The following ANKS1B variants were observed in gnomAD, a reference collection of about 807,000 sequenced individuals.
ANKS1B encodes the protein ankyrin repeat and sterile alpha motif domain containing 1B.
In ANKS1B, 36 loss-of-function variants were observed where a neutral mutation model predicts 148.3. That is an observed-to-expected ratio of 0.24 (90% confidence interval 0.19 to 0.32). The LOEUF (loss-of-function observed/expected upper bound fraction) is 0.32, where lower values mean the gene tolerates loss of function less well. ANKS1B is among the 10% of genes least tolerant of loss of function. The pLI is 1.00. For missense variants in ANKS1B, 1,157 were observed against 1,542.6 expected (o/e 0.75, Z 4.19); for synonymous variants, 542 against 560.8 (o/e 0.97, Z 0.47).
intron 8 of ANKS1B, among the ~76,000 whole-genome samples, chr12:99,661,933 TAGCTGG>T (rs1280809729): frequency 1.3e-5 from 2 of 152,144 alleles, no homozygotes; most frequent in Admixed American, 6.5e-5. Context: ...GCTAATGAAA[TAGCTGG>T]AGCTGGAGCA....
intron 17 of ANKS1B, among the ~76,000 whole-genome samples, chr12:99,024,965 G>A (rs1391501432): frequency 2.0e-5 from 3 of 152,178 alleles, no homozygotes; most frequent in Admixed American, 6.5e-5. Flanking sequence ...CCTGTCCCAC[G>A]GAAGCTCCAA....
At chr12:99,968,080 G>A (rs1183798446) in intron 1 of ANKS1B, among the ~76,000 whole-genome samples, 1 of 152,124 alleles carries the variant, frequency 6.6e-6, no homozygotes, top group African/African-American at 2.4e-5. Flanking sequence ...AAGGAAGAAA[G>A]GCTAAGCAAA....
chr12:99,907,242 A>T (rs2093816798), intron 1 of ANKS1B, among the ~76,000 whole-genome samples: 1 of 152,112 alleles, frequency 6.6e-6, no homozygotes, highest in Non-Finnish European at 1.5e-5. Context: ...TCTGTGTTTA[A>T]TTTCCCCCAG....
In ANKS1B at chr12:99,404,400, C is replaced by T. The variant is rs1299373336; in HGVS notation, c.1576-4589G>A. ...GGAAACTCAACAAAATTCAAGATAA[C>T]GCAGATGAGGTATTCAGAATCCTAT... On this transcript the variant is annotated intron_variant, in intron 11 of 26. Coordinates refer to ENST00000683438, the MANE Select transcript of ANKS1B (RefSeq NM_001352186.2). Among the ~76,000 whole-genome samples the T allele has an allele frequency of 4.1e-5, 6 of 145,672 alleles. 1 individual carries two copies. The highest frequency in any genetic ancestry group is 1.0e-4 in the African/African-American group (4 of 38,400).
At chr12:99,698,514 A>G (rs1320595082) in intron 8 of ANKS1B, among the ~76,000 whole-genome samples, 1 of 152,116 alleles carries the variant, frequency 6.6e-6, no homozygotes, top group African/African-American at 2.4e-5. Flanking sequence ...AAATACAAAT[A>G]TGGATTGAGG....
intron 14 of ANKS1B, among the ~76,000 whole-genome samples, chr12:99,239,280 T>A (rs2088728646): frequency 1.3e-5 from 2 of 152,228 alleles, no homozygotes; most frequent in East Asian, 1.9e-4. Context: ...TGCACAAGCA[T>A]CAATAGCTGA....
At chr12:99,430,957 G>A (rs991889969) in intron 11 of ANKS1B, among the ~76,000 whole-genome samples, 15 of 152,144 alleles carry the variant, frequency 9.9e-5, no homozygotes, top group Non-Finnish European at 2.1e-4. Flanking sequence ...CTGAATCTGG[G>A]AGAGAAAGCA....
intron 17 of ANKS1B, among the ~76,000 whole-genome samples, chr12:98,927,213 T>C (rs2099809392): frequency 6.6e-6 from 1 of 152,060 alleles, no homozygotes; most frequent in South Asian, 2.1e-4. Context: ...GAAAAAGGAA[T>C]GACCTATTCA....
At chr12:98,735,676 T>C in intron 9 of ANKS1B, 1 of 740,376 alleles carries the variant, frequency 1.4e-6, no homozygotes, top group Non-Finnish European at 2.6e-6. Context: ...CTTAGTTTGT[T>C]CATGCATTTG....
At chr12:99,686,658 G>A (rs10860490) in intron 8 of ANKS1B, among the ~76,000 whole-genome samples, 1 of 151,796 alleles carries the variant, frequency 6.6e-6, no homozygotes, top group East Asian at 1.9e-4. Context: ...GACATGTAAG[G>A]GTTCATTTAC....
intron 26 of ANKS1B, among the ~76,000 whole-genome samples, chr12:98,747,789 T>A (rs903140807): frequency 1.3e-5 from 2 of 152,172 alleles, no homozygotes; most frequent in East Asian, 1.9e-4. Flanking sequence ...AAGAATGAGA[T>A]CCTGTCATTT....
intron 17 of ANKS1B, among the ~76,000 whole-genome samples, chr12:98,925,048 A>T (rs2099806275): frequency 6.6e-6 from 1 of 152,200 alleles, no homozygotes; most frequent in Admixed American, 6.5e-5. Context: ...CACACAAAAT[A>T]TGGTTCTATT....
At chr12:99,505,236 G>A (rs1054133192) in intron 9 of ANKS1B, among the ~76,000 whole-genome samples, 1 of 152,006 alleles carries the variant, frequency 6.6e-6, no homozygotes, top group African/African-American at 2.4e-5. Context: ...GGCAACAGAA[G>A]GATAAAAAGA....
chr12:99,795,464 A>G (rs1157041400), intron 4 of ANKS1B, among the ~76,000 whole-genome samples: 1 of 152,030 alleles, frequency 6.6e-6, no homozygotes, highest in Non-Finnish European at 1.5e-5. Context: ...TTTCAGACAG[A>G]CTAAAAATGA....
Position 99,605,735 on chromosome 12 carries a change from T to C in ANKS1B, c.1272+49332A>G, listed in dbSNP as rs1040337930. 1.7e-4 allele frequency among the ~76,000 whole-genome samples: 26 copies of C among 152,118 alleles called. 1 individual carries two copies. Among genetic ancestry groups the C allele is most frequent in the Admixed American group, 4.6e-4 (7 of 15,256 alleles). ...AATATTTTCTAAATCCATTCATCCA[T>C]TGATTGACATTTCAGTTGATTCAAT... On this transcript the variant is annotated intron_variant, in intron 9 of 26. Coordinates refer to ENST00000683438, the MANE Select transcript of ANKS1B (RefSeq NM_001352186.2).
chr12:99,605,185 T>C (rs2097842825), intron 9 of ANKS1B, among the ~76,000 whole-genome samples: 1 of 152,046 alleles, frequency 6.6e-6, no homozygotes, highest in African/African-American at 2.4e-5. Flanking sequence ...CACAACATTT[T>C]CATAAACATT....
chr12:99,127,241 G>A (rs1276001179), intron 15 of ANKS1B, among the ~76,000 whole-genome samples: 2 of 152,144 alleles, frequency 1.3e-5, no homozygotes, highest in Admixed American at 1.3e-4. Context: ...ACCTGCCCTG[G>A]AGATGCTCGC....
chr12:99,557,690 A>G (rs1047665425), intron 9 of ANKS1B, among the ~76,000 whole-genome samples: 4 of 152,194 alleles, frequency 2.6e-5, no homozygotes, highest in African/African-American at 9.6e-5. Flanking sequence ...CCTGGTTAAC[A>G]ACCATTGCTA....
At chr12:98,983,902 A>C (rs768006918) in intron 17 of ANKS1B, among the ~76,000 whole-genome samples, 2 of 152,178 alleles carry the variant, frequency 1.3e-5, no homozygotes, top group Admixed American at 6.5e-5. Context: ...CTTTTTTCAT[A>C]AAGAGTAGAT....
Sources: gnomAD v4.1 joint callset for allele counts (sites outside exome capture counted in the v4.1 genomes callset) on GRCh38, gnomAD v4.1.1 for gene constraint, MANE v1.5 for transcripts, NCBI Gene and HGNC (gene_info 2026-07-23, HGNC 2026-07-21) for gene names.